Variants in NRXN3 observed in about 807,000 individuals in gnomAD.
NRXN3 encodes neurexin 3.
NRXN3 carries 32 observed loss-of-function variants against 137.6 expected under a neutral mutation model. The ratio of observed to expected loss-of-function variants is 0.23; its 90% CI spans 0.18 to 0.31. The LOEUF is 0.31. Among genes scored for constraint, NRXN3 ranks in the 10% least tolerant of loss-of-function variants. The probability of loss-of-function intolerance (pLI) is 1.00; values close to 1 mark genes in which losing one functional copy is unlikely to be tolerated. For synonymous variants in NRXN3, 798 were observed against 784.5 expected (o/e 1.02, Z -0.29); for missense variants, 1,574 against 2,062.5 (o/e 0.76, Z 4.59).
chr14:78,558,245 C>T (rs2096756750), intron 4 of NRXN3, among the ~76,000 whole-genome samples: 2 of 152,190 alleles, frequency 1.3e-5, no homozygotes, highest in Admixed American at 6.5e-5. Context: ...GACTTCAGCA[C>T]TCCCTTCCCC....
At chr14:78,299,532 C>T (rs561098838) in intron 4 of NRXN3, among the ~76,000 whole-genome samples, 78 of 152,146 alleles carry the variant, frequency 5.1e-4, no homozygotes, top group African/African-American at 1.6e-3. Flanking sequence ...TATGATCCCA[C>T]GTGCCCCTTG....
At chr14:78,206,670 C>T (rs989832298) in intron 1 of NRXN3, among the ~76,000 whole-genome samples, 1 of 152,090 alleles carries the variant, frequency 6.6e-6, no homozygotes, top group Non-Finnish European at 1.5e-5. Context: ...AGTTACTGTC[C>T]TGAATGTTCT....
chr14:78,178,994 C>T (rs538304714), intron 1 of NRXN3, among the ~76,000 whole-genome samples: 3 of 152,276 alleles, frequency 2.0e-5, no homozygotes, highest in African/African-American at 7.2e-5. Flanking sequence ...CTGCCTCTAC[C>T]CCACACCCAC....
At chr14:78,659,364 T>A (rs925619577) in intron 6 of NRXN3, among the ~76,000 whole-genome samples, 3 of 152,074 alleles carry the variant, frequency 2.0e-5, no homozygotes, top group African/African-American at 7.2e-5. Flanking sequence ...AGCTTTTTTA[T>A]GGGTTGACCA....
intron 15 of NRXN3, among the ~76,000 whole-genome samples, chr14:79,320,172 T>A (rs879270544): frequency 2.0e-5 from 3 of 152,206 alleles, no homozygotes; most frequent in Non-Finnish European, 2.9e-5. Context: ...TTACTATAAT[T>A]TTTCAATTCC....
chr14:78,285,774 T>C, intron 3 of NRXN3, among the ~76,000 whole-genome samples: 1 of 152,244 alleles, frequency 6.6e-6, no homozygotes, highest in Non-Finnish European at 1.5e-5. Flanking sequence ...GGTAATTGAA[T>C]GAATCTTTAT....
chr14:78,790,373 G>A, intron 8 of NRXN3, among the ~76,000 whole-genome samples: 1 of 152,138 alleles, frequency 6.6e-6, no homozygotes, highest in Admixed American at 6.5e-5. Context: ...CATATGTAAT[G>A]GCAGGACTCC....
In NRXN3 at chr14:79,866,418, G is replaced by C. The variant is rs889798817; in HGVS notation, c.*4454G>C. Reference sequence around the variant, plus strand: ...CTTAGAAGAAATTATGTAAGGGAAGGCTTCATAGAAGGGGTGACATTTTGG... The same window carrying C: ...CTTAGAAGAAATTATGTAAGGGAAGCCTTCATAGAAGGGGTGACATTTTGG... On this transcript the variant is annotated 3_prime_UTR_variant, in exon 21 of 21. Coordinates refer to ENST00000335750, the MANE Select transcript of NRXN3 (RefSeq NM_001330195.2). The C allele has an allele frequency of 1.3e-4, 20 of 152,290 alleles. No individual in the cohort carries two copies. Among genetic ancestry groups the C allele is most frequent in the Admixed American group, 1.1e-3 (17 of 15,302 alleles). The allele number at this position is 152,290 out of a possible 1,614,324, so 9.4% of individuals were successfully genotyped here.
At chr14:78,199,127 A>T (rs1003395122) in intron 1 of NRXN3, among the ~76,000 whole-genome samples, 2 of 152,216 alleles carry the variant, frequency 1.3e-5, no homozygotes, top group Non-Finnish European at 2.9e-5. Context: ...AAGAGTAGAT[A>T]TCTAGAAAAC....
At chr14:78,791,261 G>C (rs998143749) in intron 8 of NRXN3, among the ~76,000 whole-genome samples, 2 of 152,180 alleles carry the variant, frequency 1.3e-5, no homozygotes, top group Non-Finnish European at 2.9e-5. Context: ...AAAGGAAAGT[G>C]GGAAAATGGT....
intron 15 of NRXN3, among the ~76,000 whole-genome samples, chr14:79,351,431 C>T (rs1442012326): frequency 6.6e-6 from 1 of 152,186 alleles, no homozygotes; most frequent in Non-Finnish European, 1.5e-5. Context: ...GATTCTTTCA[C>T]ATTAAATGCA....
chr14:78,791,790 T>G (rs974994614), intron 8 of NRXN3, among the ~76,000 whole-genome samples: 2 of 152,146 alleles, frequency 1.3e-5, no homozygotes, highest in African/African-American at 4.8e-5. Context: ...GATAGCTAAA[T>G]GAAGCTTACC....
At chr14:79,394,393 G>A (rs1483741640) in intron 15 of NRXN3, among the ~76,000 whole-genome samples, 4 of 152,092 alleles carry the variant, frequency 2.6e-5, no homozygotes, top group African/African-American at 7.2e-5. Context: ...TTGGTTTTTC[G>A]GATTGAGATA....
In NRXN3 at chr14:79,645,601, T is replaced by C. The variant is rs533724668; in HGVS notation, c.3445-18177T>C. ...CTGCACTCCAGCTTGGGTGACAGAA[T>C]GAGACTCTGTCTCAAAAAAAAAAAA... On this transcript the variant is annotated intron_variant, in intron 16 of 20. Coordinates refer to ENST00000335750, the MANE Select transcript of NRXN3 (RefSeq NM_001330195.2). 5.1e-5 allele frequency among the ~76,000 whole-genome samples: 6 copies of C among 118,418 alleles called. 1 individual carries two copies. The East Asian group carries it at 1.0e-3, about 20-fold the overall frequency. The allele number at this position is 118,418 out of a possible 152,430, so 77.7% of individuals were successfully genotyped here. A position where few individuals can be genotyped will look rare whatever the true frequency, so the allele number is the denominator to read the frequency against.
chr14:79,715,923 C>T (rs1032177696), intron 19 of NRXN3, among the ~76,000 whole-genome samples: 4 of 152,214 alleles, frequency 2.6e-5, no homozygotes, highest in South Asian at 2.1e-4. Flanking sequence ...CATACTGTAT[C>T]GCGTTCCTCT....
At chr14:78,928,462 C>T (rs1367399116) in intron 10 of NRXN3, among the ~76,000 whole-genome samples, 1 of 152,110 alleles carries the variant, frequency 6.6e-6, no homozygotes, top group Non-Finnish European at 1.5e-5. Flanking sequence ...ACTCCCACCC[C>T]ACAACAGGCC....
intron 4 of NRXN3, among the ~76,000 whole-genome samples, chr14:78,432,247 G>T (rs1452082511): frequency 6.6e-6 from 1 of 151,790 alleles, no homozygotes; most frequent in Non-Finnish European, 1.5e-5. Context: ...TGCCAAGGCT[G>T]CTCCTTAGTG....
In NRXN3 at chr14:79,094,979, A is replaced by AGTGTGTGTGTGTGT. The variant is rs1555740770; in HGVS notation, c.3262+106856_3262+106869dup. Among the ~76,000 whole-genome samples, 191 of 115,916 alleles carry AGTGTGTGTGTGTGT rather than the reference A, an allele frequency of 1.6e-3. 2 individuals are homozygous for AGTGTGTGTGTGTGT. The highest frequency in any genetic ancestry group is 0.012 in the East Asian group (45 of 3,744). 76.0% of individuals were successfully genotyped at this position (115,916 alleles called of 152,430 possible). ...GAGAGAGAGAGAGAGAGAGAGAGAG[A>AGTGTGTGTGTGTGT]GTGTGTGTGTGTGTGTGTGTGTGTG... On this transcript the variant is annotated intron_variant, in intron 15 of 20. Coordinates refer to ENST00000335750, the MANE Select transcript of NRXN3 (RefSeq NM_001330195.2).
At chr14:79,314,905 A>T (rs112749707) in intron 15 of NRXN3, among the ~76,000 whole-genome samples, 6,932 of 151,720 alleles carry the variant, frequency 0.046, 386 homozygotes, top group African/African-American at 0.13. Flanking sequence ...TACACTGAAA[A>T]CCCATCTGTA....
Sources: gnomAD v4.1 joint callset for allele counts (sites outside exome capture counted in the v4.1 genomes callset) on GRCh38, gnomAD v4.1.1 for gene constraint, MANE v1.5 for transcripts, NCBI Gene and HGNC (gene_info 2026-07-23, HGNC 2026-07-21) for gene names.